Variants in ARL15 observed in about 807,000 individuals in gnomAD.
ARL15 encodes the protein ARF like GTPase 15, also known as ADP-ribosylation factor-like protein 15.
A neutral mutation model predicts 25.2 loss-of-function variants in ARL15; 19 were observed. That is an observed-to-expected ratio of 0.75 (90% confidence interval 0.53 to 1.10). The LOEUF (loss-of-function observed/expected upper bound fraction) is 1.10. Among genes scored for constraint, ARL15 ranks in the 50% least tolerant of loss-of-function variants. The probability of loss-of-function intolerance (pLI) is 0.00; values close to 1 mark genes in which losing one functional copy is unlikely to be tolerated. For synonymous variants in ARL15, 94 were observed against 86.8 expected (o/e 1.08, Z -0.46); for missense variants, 220 against 246.0 (o/e 0.89, Z 0.71).
chr5:54,085,358 A>G (rs1751932766), intron 4 of ARL15, among the ~76,000 whole-genome samples: 1 of 152,172 alleles, frequency 6.6e-6, no homozygotes, highest in South Asian at 2.1e-4. Context: ...CCTTTGCTAT[A>G]GTTTACAGCA....
At chr5:54,196,382 TACTC>T (rs143585309) in intron 1 of ARL15, among the ~76,000 whole-genome samples, 3,394 of 152,194 alleles carry the variant, frequency 0.022, 112 homozygotes, top group African/African-American at 0.078. Flanking sequence ...CTCCAACACT[TACTC>T]AGCCACATTT....
intron 4 of ARL15, among the ~76,000 whole-genome samples, chr5:53,893,249 G>A (rs1052897488): frequency 3.9e-5 from 6 of 152,110 alleles, no homozygotes; most frequent in African/African-American, 1.4e-4. Flanking sequence ...CGTGGCCATG[G>A]TTTGAGTATT....
At chr5:54,131,318 A>C (rs1310805530) in intron 3 of ARL15, among the ~76,000 whole-genome samples, 1 of 152,186 alleles carries the variant, frequency 6.6e-6, no homozygotes, top group East Asian at 1.9e-4. Context: ...ACACTGGTCA[A>C]AATGAACTGC....
chr5:54,277,016 T>C (rs1246778822), intron 1 of ARL15, among the ~76,000 whole-genome samples: 2 of 152,188 alleles, frequency 1.3e-5, no homozygotes, highest in African/African-American at 4.8e-5. Context: ...GCCACAAAGT[T>C]TGTGATAATT....
chr5:54,170,669 T>A (rs1400500767), intron 2 of ARL15, among the ~76,000 whole-genome samples: 1 of 152,174 alleles, frequency 6.6e-6, no homozygotes, highest in Non-Finnish European at 1.5e-5. Context: ...CAGACCTACT[T>A]ATCAACCTCA....
intron 1 of ARL15, among the ~76,000 whole-genome samples, chr5:54,268,236 C>A (rs1757680153): frequency 6.6e-6 from 1 of 152,060 alleles, no homozygotes; most frequent in African/African-American, 2.4e-5. Context: ...ATCACTGATA[C>A]CCTTTCTTCC....
intron 4 of ARL15, among the ~76,000 whole-genome samples, chr5:53,989,226 G>A (rs926766135): frequency 1.3e-5 from 2 of 151,964 alleles, no homozygotes; most frequent in Non-Finnish European, 1.5e-5. Context: ...GCTATTGAAG[G>A]ATAAAAAATA....
At chr5:53,893,886 G>A (rs1187142179) in intron 4 of ARL15, among the ~76,000 whole-genome samples, 2 of 152,176 alleles carry the variant, frequency 1.3e-5, no homozygotes, top group African/African-American at 4.8e-5. Context: ...TTAGTCTAGA[G>A]AGCAGCACCA....
chr5:53,922,537 C>A (rs1745888609), intron 4 of ARL15, among the ~76,000 whole-genome samples: 1 of 152,134 alleles, frequency 6.6e-6, no homozygotes, highest in Non-Finnish European at 1.5e-5. Flanking sequence ...CACTAACCAA[C>A]CAGAATGAAC....
chr5:54,087,667 C>T (rs1187663341), intron 4 of ARL15, among the ~76,000 whole-genome samples: 2 of 134,220 alleles, frequency 1.5e-5, no homozygotes, highest in South Asian at 2.4e-4. Flanking sequence ...GCATTCACCG[C>T]TTTCACAAAG....
At chr5:53,943,529 G>C (rs1746615926) in intron 4 of ARL15, among the ~76,000 whole-genome samples, 2 of 152,092 alleles carry the variant, frequency 1.3e-5, no homozygotes, top group Non-Finnish European at 1.5e-5. Context: ...TAGTATTGCT[G>C]GTTTTTCCTT....
intron 4 of ARL15, among the ~76,000 whole-genome samples, chr5:53,906,120 A>G (rs1389863885): frequency 6.6e-6 from 1 of 152,206 alleles, no homozygotes; most frequent in Middle Eastern, 3.2e-3. Context: ...TAGCAAGTCA[A>G]TTATAGTTTT....
chr5:54,224,338 C>T (rs141255288), intron 1 of ARL15, among the ~76,000 whole-genome samples: 132 of 152,092 alleles, frequency 8.7e-4, no homozygotes, highest in African/African-American at 3.0e-3. Context: ...AGATAAGGCA[C>T]AGGAAATGAG....
chr5:54,263,578 G>A (rs550788521), intron 1 of ARL15, among the ~76,000 whole-genome samples: 60 of 152,272 alleles, frequency 3.9e-4, no homozygotes, highest in Admixed American at 1.0e-3. Context: ...AAGGAAACAG[G>A]AAACTGGAGC....
At chr5:54,161,998 T>TACAC (rs3839223) in intron 2 of ARL15, among the ~76,000 whole-genome samples, 8,504 of 144,604 alleles carry the variant, frequency 0.059, 301 homozygotes, top group East Asian at 0.17. Context: ...CACACACACA[T>TACAC]ACACACACAC....
At position 53,884,979 on chromosome 5, in the gene ARL15, A is replaced by T. The variant is rs1744472164; in HGVS notation, c.*1582T>A. The T allele has an allele frequency of 6.6e-6, 1 of 152,646 alleles. No individual in the cohort carries two copies. The highest frequency in any genetic ancestry group is 1.5e-5 in the Non-Finnish European group (1 of 68,038). The allele number at this position is 152,646 out of a possible 1,614,324, so 9.5% of individuals were successfully genotyped here. A position where few individuals can be genotyped will look rare whatever the true frequency, so the allele number is the denominator to read the frequency against. ...CTTCCTGATTCATGACATTAAAAAA[A>T]AAAAGCTTAAAGAAGTGTTTGATGT... On this transcript the variant is annotated 3_prime_UTR_variant, in exon 5 of 5. Transcript: ENST00000504924.
chr5:54,200,327 A>C (rs1318894502), intron 1 of ARL15, among the ~76,000 whole-genome samples: 2 of 151,002 alleles, frequency 1.3e-5, no homozygotes, highest in African/African-American at 4.9e-5. Context: ...AAAGAAAAAA[A>C]TAAATAAAAA....
intron 3 of ARL15, among the ~76,000 whole-genome samples, chr5:54,141,311 T>C (rs1561240137): frequency 6.6e-6 from 1 of 152,176 alleles, no homozygotes; most frequent in Non-Finnish European, 1.5e-5. Context: ...TTCAGCTATA[T>C]ACGATTACCT....
chr5:54,100,221 A>T (rs1190869023), intron 4 of ARL15, among the ~76,000 whole-genome samples: 3 of 152,142 alleles, frequency 2.0e-5, no homozygotes, highest in African/African-American at 7.2e-5. Flanking sequence ...TTAGAGACAC[A>T]TGTATATGTA....
Sources: allele counts gnomAD v4.1 joint callset (sites outside exome capture counted in the v4.1 genomes callset), GRCh38; gene constraint gnomAD v4.1.1; transcripts MANE v1.5; gene names NCBI Gene and HGNC (gene_info 2026-07-23, HGNC 2026-07-21).